Variants in ST6GALNAC5 observed in about 807,000 individuals in gnomAD.
ST6GALNAC5 encodes ST6 N-acetylgalactosaminide alpha-2,6-sialyltransferase 5.
Under a neutral mutation model 33.6 loss-of-function variants are expected in ST6GALNAC5, and 27 were observed. The ratio of observed to expected loss-of-function variants is 0.80; its 90% CI spans 0.59 to 1.11. The LOEUF (loss-of-function observed/expected upper bound fraction) is 1.11, where lower values mean the gene tolerates loss of function less well. Among genes scored for constraint, ST6GALNAC5 ranks in the 50% least tolerant of loss-of-function variants. ST6GALNAC5 has a pLI of 0.00. For synonymous variants in ST6GALNAC5, 194 were observed against 171.2 expected, an observed-to-expected ratio of 1.13 and a Z score of -1.04; for missense variants, 428 against 454.0, an observed-to-expected ratio of 0.94 and a Z score of 0.52.
chr1:76,949,904 C>T (rs1382418940), intron 2 of ST6GALNAC5, among the ~76,000 whole-genome samples: 1 of 152,134 alleles, frequency 6.6e-6, no homozygotes, highest in Non-Finnish European at 1.5e-5. Flanking sequence ...TGTCGCTGAG[C>T]TAGCCTCTCC....
At chr1:76,949,302 G>A (rs1254624371) in intron 2 of ST6GALNAC5, among the ~76,000 whole-genome samples, 1 of 152,262 alleles carries the variant, frequency 6.6e-6, no homozygotes, top group South Asian at 2.1e-4. Flanking sequence ...AGAACTTACT[G>A]GGGTTGAGGA....
chr1:76,976,950 T>C (rs1649034469), intron 2 of ST6GALNAC5, among the ~76,000 whole-genome samples: 1 of 152,186 alleles, frequency 6.6e-6, no homozygotes, highest in African/African-American at 2.4e-5. Context: ...AAAATACTGA[T>C]TCTGATTTAG....
intron 2 of ST6GALNAC5, among the ~76,000 whole-genome samples, chr1:76,969,115 G>C (rs572810797): frequency 2.6e-5 from 4 of 152,126 alleles, no homozygotes; most frequent in Non-Finnish European, 5.9e-5. Context: ...CGCAGAACAC[G>C]CATGATTACT....
intron 2 of ST6GALNAC5, among the ~76,000 whole-genome samples, chr1:76,959,277 C>T (rs908571255): frequency 5.9e-5 from 9 of 152,146 alleles, no homozygotes; most frequent in Non-Finnish European, 1.3e-4. Flanking sequence ...ATTCTTGCTG[C>T]TTTGATGTTT....
chr1:77,060,664 T>C (rs535358929), intron 4 of ST6GALNAC5, among the ~76,000 whole-genome samples: 1 of 152,280 alleles, frequency 6.6e-6, no homozygotes, highest in Admixed American at 6.5e-5. Flanking sequence ...TTTAATTCTC[T>C]TTTTAGGGGA....
chr1:77,052,936 AAAAC>A (rs1363558292), intron 4 of ST6GALNAC5, among the ~76,000 whole-genome samples: 2,165 of 148,574 alleles, frequency 0.015, 60 homozygotes, highest in African/African-American at 0.048. Context: ...AAAAAAAAAA[AAAAC>A]AATTTTAAGG....
chr1:77,008,393 T>G (rs1196268286), intron 2 of ST6GALNAC5, among the ~76,000 whole-genome samples: 1 of 152,186 alleles, frequency 6.6e-6, no homozygotes, highest in Non-Finnish European at 1.5e-5. Context: ...TCTCTGAGTC[T>G]CAGTTTCTTT....
At chr1:76,954,309 A>G (rs1647865843) in intron 2 of ST6GALNAC5, among the ~76,000 whole-genome samples, 1 of 152,152 alleles carries the variant, frequency 6.6e-6, no homozygotes, top group African/African-American at 2.4e-5. Flanking sequence ...GTCCTCACTT[A>G]TAAGTGGGAG....
At chr1:76,950,767 C>T (rs1343657254) in intron 2 of ST6GALNAC5, among the ~76,000 whole-genome samples, 1 of 151,932 alleles carries the variant, frequency 6.6e-6, no homozygotes, top group African/African-American at 2.4e-5. Context: ...GGTTGTAGGG[C>T]ATAGAATAGG....
chr1:76,950,510 G>C (rs1647700776), intron 2 of ST6GALNAC5, among the ~76,000 whole-genome samples: 1 of 152,050 alleles, frequency 6.6e-6, no homozygotes, highest in South Asian at 2.1e-4. Flanking sequence ...CATTAAACTA[G>C]TCACTATGAT....
At chr1:77,047,042 G>A (rs1462396335) in intron 3 of ST6GALNAC5, among the ~76,000 whole-genome samples, 12 of 152,266 alleles carry the variant, frequency 7.9e-5, no homozygotes, top group South Asian at 2.1e-4. Flanking sequence ...CTTCCTGGTC[G>A]TCCTGGCTGG....
intron 2 of ST6GALNAC5, among the ~76,000 whole-genome samples, chr1:77,002,741 G>A (rs1159672638): frequency 6.0e-5 from 9 of 150,226 alleles, no homozygotes; most frequent in East Asian, 5.9e-4. Flanking sequence ...CCTTCATTTC[G>A]TTATGTACCC....
chr1:76,992,100 C>A (rs1213493799), intron 2 of ST6GALNAC5, among the ~76,000 whole-genome samples: 1 of 152,098 alleles, frequency 6.6e-6, no homozygotes, highest in Non-Finnish European at 1.5e-5. Flanking sequence ...TCATCAACAC[C>A]TTATCCCTGG....
rs1160635118 is a variant in ST6GALNAC5, at chr1:77,064,749, T to C, written c.*1543T>C. ...ACACATGACTTAGAAGGCATTAGTT[T>C]CTCTAATGCCAAATTTGAAGGCACC... On this transcript the variant is annotated 3_prime_UTR_variant, in exon 5 of 5. Transcript: ENST00000477717. The C allele has an allele frequency of 6.6e-6, 1 of 152,180 alleles. No homozygotes were observed. Among genetic ancestry groups the C allele is most frequent in the Non-Finnish European group, 1.5e-5 (1 of 68,028 alleles). The allele number at this position is 152,180 out of a possible 1,614,324, so 9.4% of individuals were successfully genotyped here.
At chr1:76,903,418 C>T (rs1557716448) in intron 2 of ST6GALNAC5, among the ~76,000 whole-genome samples, 1 of 152,118 alleles carries the variant, frequency 6.6e-6, no homozygotes, top group East Asian at 1.9e-4. Context: ...AATTAGATCT[C>T]TCATACATTG....
intron 2 of ST6GALNAC5, among the ~76,000 whole-genome samples, chr1:76,885,273 GT>G (rs1415923781): frequency 6.6e-6 from 1 of 151,976 alleles, no homozygotes; most frequent in African/African-American, 2.4e-5. Flanking sequence ...CAGGATGCTA[GT>G]TTTGAAAATG....
chr1:76,987,899 G>T (rs1182611940), intron 2 of ST6GALNAC5, among the ~76,000 whole-genome samples: 1 of 152,082 alleles, frequency 6.6e-6, no homozygotes, highest in East Asian at 1.9e-4. Flanking sequence ...AGAGCTTGTT[G>T]TATGTGGACG....
At chr1:77,020,063 C>A (rs1315917891) in intron 2 of ST6GALNAC5, among the ~76,000 whole-genome samples, 1 of 152,110 alleles carries the variant, frequency 6.6e-6, no homozygotes, top group African/African-American at 2.4e-5. Context: ...AGCCAAGCAC[C>A]CATGTTATTC....
At chr1:76,935,788 G>A (rs1647195917) in intron 2 of ST6GALNAC5, among the ~76,000 whole-genome samples, 1 of 151,940 alleles carries the variant, frequency 6.6e-6, no homozygotes, top group Admixed American at 6.6e-5. Flanking sequence ...TCATTTTGAT[G>A]CAATTCAATT....
Sources: gnomAD v4.1 joint callset for allele counts (sites outside exome capture counted in the v4.1 genomes callset) on GRCh38, gnomAD v4.1.1 for gene constraint, MANE v1.5 for transcripts, NCBI Gene and HGNC (gene_info 2026-07-23, HGNC 2026-07-21) for gene names.